WDFY3: variants seen among roughly 807,000 people sequenced by gnomAD.
The protein encoded by WDFY3 is WD repeat and FYVE domain containing 3, also known as WD repeat and FYVE domain-containing protein 3.
Under a neutral mutation model 409.6 loss-of-function variants are expected in WDFY3, and 66 were observed. The ratio of observed to expected loss-of-function variants is 0.16; its 90% CI spans 0.13 to 0.20. The LOEUF is 0.20. Among genes scored for constraint, WDFY3 ranks in the 10% least tolerant of loss-of-function variants. The pLI is 1.00. For missense variants in WDFY3, 3,031 were observed against 4,298.1 expected (o/e 0.71, Z 8.24); for synonymous variants, 1,521 against 1,537.1 (o/e 0.99, Z 0.25).
intron 39 of WDFY3, chr4:84,739,337 GATT>G (rs1738002535): frequency 6.4e-6 from 3 of 467,114 alleles, no homozygotes; most frequent in South Asian, 3.4e-5. Context: ...ATAGCATCAA[GATT>G]ATTACCTTAA....
At chr4:84,706,961 C>T (rs1389175620) in intron 53 of WDFY3, among the ~76,000 whole-genome samples, 1 of 133,638 alleles carries the variant, frequency 7.5e-6, no homozygotes, top group African/African-American at 2.9e-5. Flanking sequence ...TTTTTTGAGA[C>T]AGCTTCTTGC....
rs369338678 is a variant in WDFY3 at position 84,751,539 on chromosome 4, T to G, written c.5917A>C (p.Asn1973His). 6.2e-7 allele frequency: 1 copy of G among 1,614,090 alleles called. No homozygotes were observed. The highest frequency in any genetic ancestry group is 8.5e-7 in the Non-Finnish European group (1 of 1,180,042). The part of the protein sequence containing the change: ...FDFMRVLIID[N>H]LCLTPASKQT... The stretch of plus-strand genomic sequence containing the variant: ...TTGCTGGCAGGAGTGAGACAGAGGT[T>G]GTCTATGATTAAGACCCGCATGAAG... The change falls in exon 36 of 68, where the codon AAC (asparagine) becomes CAC (histidine). Residue 1973 changes from asparagine to histidine, a missense_variant. Physicochemically the swap from Asn to His is moderately conservative, Grantham distance 68. This residue lies in a region of WDFY3 where 314 missense variants were observed against 397.4 expected (regional missense o/e 0.79). Transcript: ENST00000295888.
intron 48 of WDFY3, 28 bp from the exon 49 acceptor site, chr4:84,717,044 TA>T: frequency 6.5e-7 from 1 of 1,540,314 alleles, no homozygotes; most frequent in Non-Finnish European, 8.7e-7. Flanking sequence ...AAAAAGCAAA[TA>T]AAAACACAGC....
intron 60 of WDFY3, among the ~76,000 whole-genome samples, chr4:84,691,028 G>C (rs1260888053): frequency 6.6e-6 from 1 of 152,192 alleles, no homozygotes; most frequent in Non-Finnish European, 1.5e-5. Flanking sequence ...GAGCACGACT[G>C]CTGCTAAGGA....
intron 1 of WDFY3, among the ~76,000 whole-genome samples, chr4:84,937,933 T>C (rs947912640): frequency 6.6e-5 from 10 of 152,110 alleles, no homozygotes; most frequent in South Asian, 2.1e-4. Flanking sequence ...CCCCAGTACA[T>C]TTTTCCCCAT....
At chr4:84,946,657 G>A (rs1178562583) in intron 1 of WDFY3, among the ~76,000 whole-genome samples, 2 of 152,146 alleles carry the variant, frequency 1.3e-5, no homozygotes, top group Non-Finnish European at 2.9e-5. Flanking sequence ...AGACACCTAG[G>A]AGGGCTGCCC....
At chr4:84,796,790 G>A (rs1355132831) in intron 18 of WDFY3, 38 bp from the exon 19 acceptor site, 7 of 1,515,488 alleles carry the variant, frequency 4.6e-6, no homozygotes, top group Non-Finnish European at 4.5e-6. Flanking sequence ...AATGTCATAT[G>A]GAATTTCAAA....
At chr4:84,907,506 C>T (rs367866003) in intron 2 of WDFY3, among the ~76,000 whole-genome samples, 2 of 152,098 alleles carry the variant, frequency 1.3e-5, no homozygotes, top group African/African-American at 2.4e-5. Context: ...GTGAGCCATC[C>T]TGGAAAGTGA....
rs185730652 is a variant in WDFY3 at position 84,762,929 on chromosome 4, T to C, written c.5188+2881A>G. 3.8e-4 allele frequency among the ~76,000 whole-genome samples: 57 copies of C among 151,982 alleles called. No individual in the cohort carries two copies. In the East Asian group the frequency reaches 8.5e-3, roughly 23 times the overall value. On this transcript the variant is annotated intron_variant, in intron 32 of 67. Coordinates refer to ENST00000295888, the MANE Select transcript of WDFY3 (RefSeq NM_014991.6). Reference sequence around the variant, plus strand: ...GAGCTTAAGTCTAGCCTGGACCACATAACAAGACCCAATCTCTAAAAAATA... The same window carrying C: ...GAGCTTAAGTCTAGCCTGGACCACACAACAAGACCCAATCTCTAAAAAATA...
chr4:84,756,177 A>AT (rs959468949), intron 33 of WDFY3, among the ~76,000 whole-genome samples: 10 of 151,684 alleles, frequency 6.6e-5, no homozygotes, highest in African/African-American at 2.2e-4. Flanking sequence ...TCATTAAGTA[A>AT]TTTTTTTTTC....
intron 57 of WDFY3, 122 bp from the exon 58 acceptor site, chr4:84,696,304 T>C: frequency 1.2e-6 from 1 of 853,994 alleles, no homozygotes; most frequent in East Asian, 2.6e-5. Context: ...AACAACATAG[T>C]ATTCCCCTCT....
In WDFY3 at chr4:84,796,634, G is replaced by A. The variant is rs538158336; in HGVS notation, c.3054C>T (p.Pro1018=). 6.2e-7 allele frequency: 1 copy of A among 1,614,070 alleles called. No homozygotes were observed. Among genetic ancestry groups the A allele is most frequent in the East Asian group, 2.2e-5 (1 of 44,860 alleles). ...LVKSAEGSTV[P]LTRVKCLVSM... ...AGACCAGACACTTCACCCTGGTCAGGGGTACAGTACTTCCTTCCGCAGATT... is the reference window on the plus strand; with the variant it reads ...AGACCAGACACTTCACCCTGGTCAGAGGTACAGTACTTCCTTCCGCAGATT... The change falls in exon 19 of 68, where the codon CCC becomes CCT. Residue 1018 remains proline, a synonymous_variant. Coordinates refer to ENST00000295888, the MANE Select transcript of WDFY3 (RefSeq NM_014991.6).
intron 32 of WDFY3, among the ~76,000 whole-genome samples, chr4:84,758,730 A>C (rs1397569149): frequency 6.6e-6 from 1 of 152,184 alleles, no homozygotes; most frequent in African/African-American, 2.4e-5. Flanking sequence ...TTAATAAAAA[A>C]ATTATATAGC....
chr4:84,845,636 G>A (rs959227899), intron 5 of WDFY3, among the ~76,000 whole-genome samples: 2 of 152,062 alleles, frequency 1.3e-5, no homozygotes, highest in Non-Finnish European at 2.9e-5. Context: ...TTAAGAGTTG[G>A]ATGATTTAGG....
chr4:84,910,529 A>G (rs1258553127), intron 2 of WDFY3, among the ~76,000 whole-genome samples: 3 of 152,120 alleles, frequency 2.0e-5, no homozygotes, highest in Non-Finnish European at 4.4e-5. Flanking sequence ...TGGCCAACTG[A>G]TTTTCAACAA....
chr4:84,799,340 T>TA (rs200639138), intron 17 of WDFY3, among the ~76,000 whole-genome samples: 1,124 of 44,826 alleles, frequency 0.025, 1 homozygote, highest in South Asian at 0.079. Context: ...ATATATATAT[T>TA]TTTTTTTTTT....
At chr4:84,916,127 G>T (rs1016115049) in intron 2 of WDFY3, among the ~76,000 whole-genome samples, 1 of 152,088 alleles carries the variant, frequency 6.6e-6, no homozygotes, top group Non-Finnish European at 1.5e-5. Context: ...TGTAATTTCA[G>T]AAAACGGATG....
rs545272934 is a variant in WDFY3, at chr4:84,806,667, G to A, written c.2429+1667C>T. Among the ~76,000 whole-genome samples, 68 of 152,138 alleles carry A rather than the reference G, an allele frequency of 4.5e-4. 1 individual carries two copies. The highest frequency in any genetic ancestry group is 6.5e-4 in the Admixed American group (10 of 15,278). On this transcript the variant is annotated intron_variant, in intron 15 of 67. Transcript: ENST00000295888. ...TGTAGTCTAGGCTGGAGTGCAGTGC[G>A]GTGATCTCGGCTCACTGCAACCTCC...
chr4:84,809,788 G>A (rs989118010), intron 14 of WDFY3, 99 bp downstream of exon 14: 28 of 1,087,092 alleles, frequency 2.6e-5, no homozygotes, highest in Non-Finnish European at 3.6e-5. Flanking sequence ...AGAGTCATCT[G>A]TTTTCATATT....
Sources: gnomAD v4.1 joint callset for allele counts (sites outside exome capture counted in the v4.1 genomes callset) on GRCh38, gnomAD v4.1.1 for gene constraint, gnomAD v4.1.1 regional missense constraint, MANE v1.5 for transcripts, NCBI Gene and HGNC (gene_info 2026-07-23, HGNC 2026-07-21) for gene names.